The following CD2AP variants were observed in gnomAD, a reference collection of about 807,000 sequenced individuals.
CD2AP encodes CD2-associated protein.
A neutral mutation model predicts 85.1 loss-of-function variants in CD2AP; 46 were observed. That is an observed-to-expected ratio of 0.54 (90% confidence interval 0.43 to 0.69). The LOEUF (loss-of-function observed/expected upper bound fraction) is 0.69, where lower values mean the gene tolerates loss of function less well. Ranked by LOEUF, CD2AP falls within the 30% of genes least tolerant of loss-of-function variation. The pLI, the probability that CD2AP is intolerant of heterozygous loss-of-function variation, is 0.00. For missense variants in CD2AP, 769 were observed against 729.5 expected, an observed-to-expected ratio of 1.05 and a Z score of -0.62; for synonymous variants, 255 against 252.9, an observed-to-expected ratio of 1.01 and a Z score of -0.08.
intron 6 of CD2AP, among the ~76,000 whole-genome samples, chr6:47,575,254 T>C (rs907358997): frequency 2.0e-5 from 3 of 152,170 alleles, no homozygotes; most frequent in African/African-American, 7.2e-5. Flanking sequence ...TCTATAGCCA[T>C]GTAACAGCTA....
chr6:47,478,268 C>A lies in CD2AP; in HGVS notation c.4+20C>A. On this transcript the variant is annotated intron_variant, in intron 1 of 17. Transcript: ENST00000359314. ...GCATGGGTAAGAGACTCGGGCGCTT[C>A]CCGCCGCCCGTCCGGACCTTCCAGA... The A allele has an allele frequency of 6.4e-7, 1 of 1,567,778 alleles. No homozygotes were observed. The highest frequency in any genetic ancestry group is 8.6e-7 in the Non-Finnish European group (1 of 1,156,946).
At chr6:47,538,543 G>A (rs369135803) in intron 3 of CD2AP, among the ~76,000 whole-genome samples, 42 of 152,286 alleles carry the variant, frequency 2.8e-4, no homozygotes, top group African/African-American at 1.0e-3. Context: ...ACTGCGCCTG[G>A]TGGAGAAAGA....
chr6:47,594,713 A>C (rs1357117891), intron 11 of CD2AP, among the ~76,000 whole-genome samples: 1 of 151,998 alleles, frequency 6.6e-6, no homozygotes, highest in Non-Finnish European at 1.5e-5. Flanking sequence ...AGGCCATATA[A>C]AAATAGATTT....
chr6:47,537,888 T>C (rs1767096324), intron 3 of CD2AP, among the ~76,000 whole-genome samples: 1 of 151,948 alleles, frequency 6.6e-6, no homozygotes, highest in African/African-American at 2.4e-5. Flanking sequence ...TAGCTGGAAT[T>C]ACAGGAACAC....
intron 1 of CD2AP, 30 bp from the exon 2 acceptor site, chr6:47,503,250 T>C (rs1766043990): frequency 6.2e-7 from 1 of 1,600,710 alleles, no homozygotes; most frequent in South Asian, 1.1e-5. Flanking sequence ...AATTAGATTT[T>C]AGACATTTCG....
At chr6:47,489,471 C>A (rs1186398301) in intron 1 of CD2AP, among the ~76,000 whole-genome samples, 1 of 151,986 alleles carries the variant, frequency 6.6e-6, no homozygotes, top group African/African-American at 2.4e-5. Context: ...CCACCGTGCC[C>A]GGCTGCACTC....
At chr6:47,561,107 C>G (rs1767848920) in intron 5 of CD2AP, among the ~76,000 whole-genome samples, 1 of 152,126 alleles carries the variant, frequency 6.6e-6, no homozygotes, top group African/African-American at 2.4e-5. Context: ...TTCAAGGTAA[C>G]TTCTGTGACT....
chr6:47,563,100 G>T (rs112649343), intron 5 of CD2AP: 314 of 215,078 alleles, frequency 1.5e-3, no homozygotes, highest in African/African-American at 6.8e-3. Flanking sequence ...TAGAATAAAC[G>T]TGACCAAAGG....
At chr6:47,535,329 C>T (rs1442634918) in intron 3 of CD2AP, among the ~76,000 whole-genome samples, 1 of 152,082 alleles carries the variant, frequency 6.6e-6, no homozygotes, top group Non-Finnish European at 1.5e-5. Flanking sequence ...GTGTATAAAT[C>T]CCTGTAGTAC....
At chr6:47,592,836 G>C (rs1768840167) in intron 11 of CD2AP, among the ~76,000 whole-genome samples, 1 of 152,108 alleles carries the variant, frequency 6.6e-6, no homozygotes, top group Admixed American at 6.6e-5. Context: ...CCATTTGGCT[G>C]TTCTGAGCTG....
At chr6:47,554,618 T>C (rs762372736) in intron 4 of CD2AP, 28 bp from the exon 5 acceptor site, 1 of 1,613,210 alleles carries the variant, frequency 6.2e-7, no homozygotes, top group South Asian at 1.1e-5. Flanking sequence ...AGAAGTTGTT[T>C]TTGCTTTTGA....
intron 2 of CD2AP, among the ~76,000 whole-genome samples, chr6:47,509,887 C>T (rs982850805): frequency 4.6e-5 from 7 of 151,988 alleles, no homozygotes; most frequent in East Asian, 1.9e-4. Context: ...TATAGAACAC[C>T]GATTTCAAAA....
At chr6:47,530,051 T>G (rs544093921) in intron 2 of CD2AP, among the ~76,000 whole-genome samples, 1 of 152,340 alleles carries the variant, frequency 6.6e-6, no homozygotes, top group African/African-American at 2.4e-5. Context: ...TAACTCTCAT[T>G]TATTCTTTCT....
At chr6:47,545,768 T>TAC (rs1212017565) in intron 4 of CD2AP, among the ~76,000 whole-genome samples, 1 of 152,058 alleles carries the variant, frequency 6.6e-6, no homozygotes, top group Non-Finnish European at 1.5e-5. Flanking sequence ...AGATAATCTC[T>TAC]ACAGTTCAAC....
At position 47,612,670 on chromosome 6, in the gene CD2AP, T is replaced by TA. The variant is rs199784592; in HGVS notation, c.1878+135dup. Reference sequence around the variant, plus strand: ...GTTGGACATACACACAATGGACTACTATTCAGTCACAAAAAAAGAATGAGA... The same window carrying TA: ...GTTGGACATACACACAATGGACTACTAATTCAGTCACAAAAAAAGAATGAGA... On this transcript the variant is annotated intron_variant, in intron 17 of 17. Coordinates refer to ENST00000359314, the MANE Select transcript of CD2AP (RefSeq NM_012120.3). 3.0e-3 allele frequency: 2,005 copies of TA among 675,728 alleles called. 31 individuals are homozygous for TA. The African/African-American group carries it at 0.031, about 10-fold the overall frequency. The allele number at this position is 675,728 out of a possible 1,614,324, so 41.9% of individuals were successfully genotyped here.
chr6:47,504,193 C>G (rs1163691433), intron 2 of CD2AP, among the ~76,000 whole-genome samples: 4 of 152,140 alleles, frequency 2.6e-5, no homozygotes, highest in Non-Finnish European at 5.9e-5. Flanking sequence ...TTATAATTGT[C>G]TTGTTTTCTG....
At chr6:47,491,613 T>C (rs1029535873) in intron 1 of CD2AP, among the ~76,000 whole-genome samples, 1 of 152,120 alleles carries the variant, frequency 6.6e-6, no homozygotes, top group Non-Finnish European at 1.5e-5. Flanking sequence ...ATACAACTTA[T>C]GCCTATTTGG....
intron 1 of CD2AP, among the ~76,000 whole-genome samples, chr6:47,483,913 A>G (rs1269042287): frequency 3.9e-5 from 6 of 152,136 alleles, no homozygotes; most frequent in East Asian, 3.9e-4. Context: ...CAAGTACACA[A>G]TCCTTCAGGG....
rs10948368 is a variant in CD2AP at position 47,624,120 on chromosome 6, T to C, written c.1879-66T>C. On this transcript the variant is annotated intron_variant, in intron 17 of 17. Coordinates refer to ENST00000359314, the MANE Select transcript of CD2AP (RefSeq NM_012120.3). Reference sequence around the variant, plus strand: ...AAAGTATGATCACATCTTAATGACATAGAGTAAAATAAACTACTAAACTAA... The same window carrying C: ...AAAGTATGATCACATCTTAATGACACAGAGTAAAATAAACTACTAAACTAA... The C allele has an allele frequency of 0.38, 462,919 of 1,216,956 alleles. 93,257 individuals carry two copies. Among genetic ancestry groups the C allele is most frequent in the Middle Eastern group, 0.49 (2,499 of 5,096 alleles). The allele number at this position is 1,216,956 out of a possible 1,614,324, so 75.4% of individuals were successfully genotyped here. A position where few individuals can be genotyped will look rare whatever the true frequency, so the allele number is the denominator to read the frequency against.
Sources: gnomAD v4.1 joint callset for allele counts (sites outside exome capture counted in the v4.1 genomes callset) on GRCh38, gnomAD v4.1.1 for gene constraint, MANE v1.5 for transcripts, NCBI Gene and HGNC (gene_info 2026-07-23, HGNC 2026-07-21) for gene names.